Variants in CCR5AS observed in about 807,000 individuals in gnomAD.
CCR5AS encodes the protein CCR5 antisense RNA.
At chr3:46,384,285 A>G (rs1701839703) in intron 2 of CCR5AS, among the ~76,000 whole-genome samples, 1 of 152,256 alleles carries the variant, frequency 6.6e-6, no homozygotes, top group South Asian at 2.1e-4. Flanking sequence ...TTTATTACGC[A>G]GACGGGGTCT....
chr3:46,373,425 C>G, intron 2 of CCR5AS: 1 of 1,612,724 alleles, frequency 6.2e-7, no homozygotes, highest in Non-Finnish European at 8.5e-7. Context: ...AGAAGGTCTT[C>G]ATTACACCTG....
chr3:46,393,126 C>T (rs1333912571), intron 1 of CCR5AS: 2 of 151,708 alleles, frequency 1.3e-5, no homozygotes, highest in Admixed American at 6.6e-5. Context: ...TGGAAAATTA[C>T]AGTTAAAGGG....
chr3:46,390,013 T>C (rs1701896316), intron 2 of CCR5AS, among the ~76,000 whole-genome samples: 1 of 151,912 alleles, frequency 6.6e-6, no homozygotes, highest in African/African-American at 2.4e-5. Flanking sequence ...GCTGGGAAGA[T>C]TGGTAAGAGG....
chr3:46,387,272 C>A (rs1221650430), intron 2 of CCR5AS, among the ~76,000 whole-genome samples: 1 of 152,176 alleles, frequency 6.6e-6, no homozygotes, highest in East Asian at 1.9e-4. Flanking sequence ...CCATGACCAT[C>A]CAAGGAAGAT....
At chr3:46,398,007 C>A (rs1279360326) in intron 1 of CCR5AS, among the ~76,000 whole-genome samples, 4 of 152,164 alleles carry the variant, frequency 2.6e-5, no homozygotes, top group Non-Finnish European at 5.9e-5. Context: ...GTATGTGGAG[C>A]CGGAACTGAG....
At chr3:46,396,443 A>G (rs1043551397) in intron 1 of CCR5AS, among the ~76,000 whole-genome samples, 5 of 152,170 alleles carry the variant, frequency 3.3e-5, no homozygotes, top group African/African-American at 1.2e-4. Context: ...TCTATCATTC[A>G]GAGTAAATGA....
At chr3:46,385,997 T>C (rs1701857783) in intron 2 of CCR5AS, among the ~76,000 whole-genome samples, 1 of 152,088 alleles carries the variant, frequency 6.6e-6, no homozygotes, top group African/African-American at 2.4e-5. Flanking sequence ...CTGCAACCTC[T>C]GCCTCCCAGG....
At chr3:46,385,203 A>G (rs1413061893) in intron 2 of CCR5AS, among the ~76,000 whole-genome samples, 2 of 152,174 alleles carry the variant, frequency 1.3e-5, no homozygotes, top group Non-Finnish European at 2.9e-5. Context: ...ACTGTTTGCA[A>G]TGTCTATGTC....
intron 1 of CCR5AS, among the ~76,000 whole-genome samples, chr3:46,397,206 T>G (rs2106776698): frequency 6.6e-6 from 1 of 152,336 alleles, no homozygotes; most frequent in Non-Finnish European, 1.5e-5. Flanking sequence ...CCACTGCTCC[T>G]GTGTGCTCCC....
intron 1 of CCR5AS, among the ~76,000 whole-genome samples, chr3:46,400,278 C>T (rs1344724852): frequency 6.6e-6 from 1 of 152,058 alleles, no homozygotes; most frequent in South Asian, 2.1e-4. Context: ...AGCTTGAGCC[C>T]GGCTGCTAAG....
intron 1 of CCR5AS, among the ~76,000 whole-genome samples, chr3:46,396,331 GC>G (rs1701961677): frequency 6.6e-6 from 1 of 152,014 alleles, no homozygotes; most frequent in Admixed American, 6.5e-5. Context: ...GAGTGAGTGG[GC>G]AGTGTGGCCT....
chr3:46,376,833 G>A (rs766471302), intron 2 of CCR5AS, among the ~76,000 whole-genome samples: 1 of 152,198 alleles, frequency 6.6e-6, no homozygotes, highest in Non-Finnish European at 1.5e-5. Context: ...TTCAGTCACT[G>A]CACACTCATC....
intron 2 of CCR5AS, among the ~76,000 whole-genome samples, chr3:46,389,357 C>T (rs976658659): frequency 6.6e-6 from 1 of 152,080 alleles, no homozygotes; most frequent in Non-Finnish European, 1.5e-5. Flanking sequence ...AGTTGGGGTG[C>T]TATAAATGAC....
chr3:46,376,089 C>T (rs1417781600), intron 2 of CCR5AS: 1 of 167,078 alleles, frequency 6.0e-6, no homozygotes, highest in Non-Finnish European at 1.5e-5. Context: ...GGACCCTACC[C>T]TCTGGGCCAA....
chr3:46,378,953 G>C (rs1361149113), intron 2 of CCR5AS, among the ~76,000 whole-genome samples: 1 of 150,524 alleles, frequency 6.6e-6, no homozygotes, highest in African/African-American at 2.4e-5. Flanking sequence ...ATGATTGTGG[G>C]TACCAAGTGT....
intron 1 of CCR5AS, among the ~76,000 whole-genome samples, chr3:46,403,756 G>A (rs1226942681): frequency 6.6e-6 from 1 of 152,222 alleles, no homozygotes; most frequent in Non-Finnish European, 1.5e-5. Flanking sequence ...AGACGCTCTT[G>A]GAGTGCCAGC....
At chr3:46,372,904 T>C (rs1701682674) in intron 2 of CCR5AS, 2 of 1,576,948 alleles carry the variant, frequency 1.3e-6, no homozygotes, top group Non-Finnish European at 1.7e-6. Context: ...TGGAACAAGA[T>C]GGATTATCAA....
At chr3:46,396,986 ACTCT>A (rs1416488299) in intron 1 of CCR5AS, among the ~76,000 whole-genome samples, 1 of 151,776 alleles carries the variant, frequency 6.6e-6, no homozygotes, top group Non-Finnish European at 1.5e-5. Context: ...GAATTCTATC[ACTCT>A]CTCTTTTCTT....
chr3:46,387,639 C>A (rs1156288467), intron 2 of CCR5AS, among the ~76,000 whole-genome samples: 1 of 152,166 alleles, frequency 6.6e-6, no homozygotes. Flanking sequence ...GTCCCAGCTA[C>A]TCAGGAGGCA....
Sources: allele counts gnomAD v4.1 joint callset (sites outside exome capture counted in the v4.1 genomes callset), GRCh38; gene constraint gnomAD v4.1.1; transcripts MANE v1.5; gene names NCBI Gene and HGNC (gene_info 2026-07-23, HGNC 2026-07-21).